The following SHCBP1L variants were observed in gnomAD, a reference collection of about 807,000 sequenced individuals.
SHCBP1L encodes SHC binding and spindle associated 1 like, also known as testicular spindle-associated protein SHCBP1L.
Under a neutral mutation model 62.5 loss-of-function variants are expected in SHCBP1L, and 67 were observed. The ratio of observed to expected loss-of-function variants is 1.07; its 90% CI spans 0.88 to 1.31. The LOEUF (loss-of-function observed/expected upper bound fraction) is 1.31. Among genes scored for constraint, SHCBP1L ranks in the 40% most tolerant of loss-of-function variants. SHCBP1L has a pLI of 0.00. For synonymous variants in SHCBP1L, 284 were observed against 289.4 expected (o/e 0.98, Z 0.19); for missense variants, 823 against 809.8 (o/e 1.02, Z -0.20).
At chr1:182,918,724 G>A (rs1272305319) in intron 6 of SHCBP1L, among the ~76,000 whole-genome samples, 1 of 152,022 alleles carries the variant, frequency 6.6e-6, no homozygotes, top group Non-Finnish European at 1.5e-5. Context: ...AGAACAAAGT[G>A]GAGGACTCAC....
chr1:182,930,957 C>A (rs892210820), intron 5 of SHCBP1L, among the ~76,000 whole-genome samples: 1 of 148,702 alleles, frequency 6.7e-6, no homozygotes, highest in Non-Finnish European at 1.5e-5. Context: ...AACTCCTGGC[C>A]TCAAGCAGTC....
At chr1:182,931,572 G>A (rs1360132418) in intron 5 of SHCBP1L, among the ~76,000 whole-genome samples, 4 of 151,986 alleles carry the variant, frequency 2.6e-5, no homozygotes, top group East Asian at 1.9e-4. Flanking sequence ...CTGTCATTAC[G>A]TATTTCCCTT....
At chr1:182,951,833 G>A (rs557786303) in intron 1 of SHCBP1L, 8 of 267,248 alleles carry the variant, frequency 3.0e-5, no homozygotes, top group African/African-American at 9.4e-5. Context: ...GCTCTATTCC[G>A]TTTTATCAGA....
rs749598936 is a variant in SHCBP1L, at chr1:182,904,198, ACTGT to A, written c.1565_1568del (p.Asp522ValfsTer3). On this transcript the variant is annotated frameshift_variant, in exon 8 of 10. Transcript: ENST00000367547. LOFTEE classifies it high-confidence loss of function. ...GAAATACCTGGGCGCCAGTTATTTC[ACTGT>A]CTGTAATTGTCAAAGCAGCCCCTGT... 1.2e-6 allele frequency: 2 copies of A among 1,614,014 alleles called. No individual in the cohort carries two copies. Among genetic ancestry groups the A allele is most frequent in the Middle Eastern group, 1.7e-4 (1 of 6,058 alleles).
rs1466997902 is a variant in SHCBP1L at position 182,905,646 on chromosome 1, TTATC to T, written c.1183-1_1185del. 6.2e-7 allele frequency: 1 copy of T among 1,609,034 alleles called. No individual in the cohort carries two copies. The highest frequency in any genetic ancestry group is 1.3e-5 in the African/African-American group (1 of 74,492). On this transcript the variant is annotated splice_acceptor_variant and coding_sequence_variant, in exon 7 of 10. Transcript: ENST00000367547. LOFTEE classifies it high-confidence loss of function. Reference sequence around the variant, plus strand: ...AGAAGTGTGTCTGAAGATAAATCCTTTATCTAAAAAGAAATAAAACACTTGCGCT... The same window carrying T: ...AGAAGTGTGTCTGAAGATAAATCCTTTAAAAAGAAATAAAACACTTGCGCT...
At chr1:182,927,448 G>A (rs1205025845) in intron 6 of SHCBP1L, among the ~76,000 whole-genome samples, 2 of 152,032 alleles carry the variant, frequency 1.3e-5, no homozygotes, top group Non-Finnish European at 2.9e-5. Flanking sequence ...TGAGGAGGGC[G>A]GATCACGAGG....
intron 6 of SHCBP1L, among the ~76,000 whole-genome samples, chr1:182,924,905 GAA>G (rs1491322797): frequency 2.5e-3 from 258 of 104,920 alleles, no homozygotes; most frequent in African/African-American, 7.5e-3. Context: ...GAGAGAGAGA[GAA>G]AGAAAGGAAA....
intron 6 of SHCBP1L, among the ~76,000 whole-genome samples, chr1:182,909,674 T>G (rs1001014002): frequency 6.6e-6 from 1 of 152,196 alleles, no homozygotes; most frequent in Non-Finnish European, 1.5e-5. Flanking sequence ...ATATATGGGT[T>G]CTGCAGGGCT....
At chr1:182,929,510 A>T (rs1360217705) in intron 6 of SHCBP1L, 137 bp downstream of exon 6, 1 of 517,482 alleles carries the variant, frequency 1.9e-6, no homozygotes, top group Non-Finnish European at 3.3e-6. Flanking sequence ...TATCTATTAT[A>T]TGGCAATAAC....
chr1:182,950,150 G>A (rs909995602), intron 2 of SHCBP1L, among the ~76,000 whole-genome samples: 1 of 152,128 alleles, frequency 6.6e-6, no homozygotes, highest in Admixed American at 6.5e-5. Flanking sequence ...TTGTTTTCAA[G>A]TAGTATATAA....
In SHCBP1L at chr1:182,939,269, G is replaced by C; in HGVS notation, c.983C>G (p.Pro328Arg). 6.2e-7 allele frequency: 1 copy of C among 1,613,904 alleles called. No homozygotes were observed. ...IEYQSNIKED[P>R]SAAEAVECWK... ...GCATTCAACAGCCTCTGCTGCAGAT[G>C]GATCTTCTTTAATATTGCTCTGATA... The change falls in exon 5 of 10, where the codon CCA becomes CGA. Residue 328 changes from proline to arginine, a missense_variant. Physicochemically the swap from Pro to Arg is moderately radical, Grantham distance 103. Transcript: ENST00000367547.
chr1:182,902,578 A>C (rs1483053435), intron 9 of SHCBP1L, among the ~76,000 whole-genome samples: 1 of 152,234 alleles, frequency 6.6e-6, no homozygotes, highest in Non-Finnish European at 1.5e-5. Flanking sequence ...TAGAAAGACA[A>C]GATTTATAGA....
intron 8 of SHCBP1L, among the ~76,000 whole-genome samples, chr1:182,903,507 A>T (rs1447618132): frequency 6.6e-6 from 1 of 152,128 alleles, no homozygotes; most frequent in Non-Finnish European, 1.5e-5. Flanking sequence ...ATGCCACTAA[A>T]GTATATTTCT....
Position 182,933,948 on chromosome 1 carries a change from C to A in SHCBP1L, c.1077-4196G>T, listed in dbSNP as rs186720244. Among the ~76,000 whole-genome samples, 1,020 of 152,260 alleles carry A rather than the reference C, an allele frequency of 6.7e-3. 9 individuals carry two copies. The highest frequency in any genetic ancestry group is 9.8e-3 in the Non-Finnish European group (667 of 68,004). Reference sequence around the variant, plus strand: ...GTGTGTCACAATTCACCAGTGAAGACATCTAGTCCTTGACTTTCCTTTGTG... The same window carrying A: ...GTGTGTCACAATTCACCAGTGAAGAAATCTAGTCCTTGACTTTCCTTTGTG... On this transcript the variant is annotated intron_variant, in intron 5 of 9. Coordinates refer to ENST00000367547, the MANE Select transcript of SHCBP1L (RefSeq NM_030933.4).
intron 8 of SHCBP1L, among the ~76,000 whole-genome samples, chr1:182,903,701 T>G (rs745418987): frequency 3.6e-4 from 55 of 152,192 alleles, no homozygotes; most frequent in Non-Finnish European, 6.5e-4. Context: ...CTTTCTGTGT[T>G]GCCCAGGCTG....
chr1:182,920,045 C>T (rs1557994830), intron 6 of SHCBP1L, among the ~76,000 whole-genome samples: 3 of 152,208 alleles, frequency 2.0e-5, no homozygotes, highest in Admixed American at 1.3e-4. Flanking sequence ...GTCCCACCCT[C>T]GCTGGCACCC....
intron 5 of SHCBP1L, among the ~76,000 whole-genome samples, chr1:182,938,518 T>C (rs1651252487): frequency 6.6e-6 from 1 of 152,076 alleles, no homozygotes; most frequent in Non-Finnish European, 1.5e-5. Flanking sequence ...TGGAGTGCAG[T>C]AGCATGATCG....
At position 182,951,305 on chromosome 1, in the gene SHCBP1L, A is replaced by C; in HGVS notation, c.555+13T>G. On this transcript the variant is annotated intron_variant, in intron 2 of 9. Transcript: ENST00000367547. ...GATTCAAAAAGAACAAAGATCAAAT[A>C]AAATTTATTTACCTCAACCAATATA... is the stretch of plus-strand genomic sequence containing the variant. 6.6e-7 allele frequency: 1 copy of C among 1,521,090 alleles called. No individual in the cohort carries two copies. The highest frequency in any genetic ancestry group is 8.8e-7 in the Non-Finnish European group (1 of 1,132,796). The allele number at this position is 1,521,090 out of a possible 1,614,324, so 94.2% of individuals were successfully genotyped here. A position where few individuals can be genotyped will look rare whatever the true frequency, so the allele number is the denominator to read the frequency against.
At position 182,953,029 on chromosome 1, in the gene SHCBP1L, C is replaced by A. The variant is rs753496951; in HGVS notation, c.105G>T (p.Ala35=). The A allele has an allele frequency of 1.9e-6, 3 of 1,542,956 alleles. No homozygotes were observed. The South Asian group carries it at 3.6e-5, about 18-fold the overall frequency. The change falls in exon 1 of 10, where the codon GCG becomes GCT. Residue 35 remains alanine, a synonymous_variant. Transcript: ENST00000367547. ...CGGTGCCCTTCAGGGTGGTCGCGGC[C>A]GCCGTGTCCCCGGAGACAGCGGAGG... ...KSASAVSGDT[A]AATTLKGTAI...
Sources: allele counts gnomAD v4.1 joint callset (sites outside exome capture counted in the v4.1 genomes callset), GRCh38; gene constraint gnomAD v4.1.1; transcripts MANE v1.5; gene names NCBI Gene and HGNC (gene_info 2026-07-23, HGNC 2026-07-21).